Variants in CCDC18 observed in about 807,000 individuals in gnomAD.
CCDC18 encodes coiled-coil domain-containing protein 18.
Under a neutral mutation model 196.0 loss-of-function variants are expected in CCDC18, and 157 were observed. The observed-to-expected ratio is 0.80, with a 90% CI of 0.70 to 0.91. CCDC18 has a LOEUF of 0.91. Among genes scored for constraint, CCDC18 ranks in the 40% least tolerant of loss-of-function variants. The pLI is 0.00. For synonymous variants in CCDC18, 482 were observed against 529.2 expected, an observed-to-expected ratio of 0.91 and a Z score of 1.22; for missense variants, 1,465 against 1,611.6, an observed-to-expected ratio of 0.91 and a Z score of 1.56.
chr1:93,179,934 T>G (rs1649233320), upstream of CCDC18: 1 of 1,141,962 alleles, frequency 8.8e-7, no homozygotes, highest in African/African-American at 1.6e-5. Flanking sequence ...GCTGGCTTCC[T>G]GAACGGCCCT....
rs1021342105 is a variant in CCDC18, at chr1:93,240,853, A to T, written c.2981+957A>T. Among the ~76,000 whole-genome samples the T allele has an allele frequency of 3.9e-5, 6 of 152,300 alleles. No individual in the cohort carries two copies. In the East Asian group the frequency reaches 1.2e-3, roughly 29 times the overall value. ...CATAACCCTACCCTTCTCCTAACTC[A>T]GTATCATGCAGTTGCTCAAACCACA... On this transcript the variant is annotated intron_variant, in intron 21 of 28. Coordinates refer to ENST00000690025, the MANE Select transcript of CCDC18 (RefSeq NM_001378204.1).
chr1:93,236,091 T>C (rs1418395693), intron 18 of CCDC18, among the ~76,000 whole-genome samples, 157 bp from the exon 19 acceptor site: 1 of 152,238 alleles, frequency 6.6e-6, no homozygotes, highest in African/African-American at 2.4e-5. Flanking sequence ...TCTTTATTAT[T>C]AGAAAGTAAG....
chr1:93,179,965 C>A, upstream of CCDC18: 1 of 1,380,104 alleles, frequency 7.2e-7, no homozygotes, highest in South Asian at 1.4e-5. Context: ...CCACCAGGGC[C>A]GTCCACCAGA....
intron 6 of CCDC18, among the ~76,000 whole-genome samples, chr1:93,197,305 G>T (rs535186626): frequency 1.3e-5 from 2 of 152,130 alleles, no homozygotes; most frequent in African/African-American, 4.8e-5. Flanking sequence ...AGGAGAAAAG[G>T]CACAAGTGTT....
intron 17 of CCDC18, among the ~76,000 whole-genome samples, chr1:93,231,669 AG>A (rs1220694842): frequency 1.3e-5 from 2 of 152,220 alleles, no homozygotes; most frequent in Non-Finnish European, 2.9e-5. Context: ...CTTGGATAAA[AG>A]TATCTTAAAG....
At chr1:93,249,625 C>T (rs2100996421) in intron 23 of CCDC18, among the ~76,000 whole-genome samples, 1 of 152,178 alleles carries the variant, frequency 6.6e-6, no homozygotes, top group South Asian at 2.1e-4. Context: ...TGGAATTATC[C>T]AGAATACATA....
At chr1:93,234,171 T>C (rs954152752) in intron 18 of CCDC18, among the ~76,000 whole-genome samples, 1 of 152,120 alleles carries the variant, frequency 6.6e-6, no homozygotes, top group African/African-American at 2.4e-5. Flanking sequence ...TTTCTTTTTT[T>C]TCTCTTTTTG....
At chr1:93,192,256 A>C in intron 5 of CCDC18, 150 bp downstream of exon 5, 1 of 620,528 alleles carries the variant, frequency 1.6e-6, no homozygotes, top group Non-Finnish European at 2.8e-6. Context: ...ATTTTTAGTC[A>C]ATCATAACTC....
chr1:93,202,388 C>T (rs376978747), intron 7 of CCDC18, among the ~76,000 whole-genome samples: 7 of 152,250 alleles, frequency 4.6e-5, no homozygotes, highest in African/African-American at 1.7e-4. Context: ...TTCTGCCTCT[C>T]GGAAGGTTCC....
At chr1:93,233,550 G>A (rs1659565036) in intron 18 of CCDC18, among the ~76,000 whole-genome samples, 1 of 151,954 alleles carries the variant, frequency 6.6e-6, no homozygotes, top group Non-Finnish European at 1.5e-5. Flanking sequence ...CCTGTCCAGT[G>A]GAACTAAAGT....
At chr1:93,193,798 T>G in intron 6 of CCDC18, 54 bp downstream of exon 6, 1 of 1,308,696 alleles carries the variant, frequency 7.6e-7, no homozygotes, top group Non-Finnish European at 1.0e-6. Flanking sequence ...AAGGAAATAT[T>G]ACCTATTTAA....
chr1:93,183,638 GT>G (rs1650127734), intron 2 of CCDC18, 143 bp downstream of exon 2: 1 of 608,172 alleles, frequency 1.6e-6, no homozygotes, highest in East Asian at 3.3e-5. Flanking sequence ...GTAACTTTCA[GT>G]TTAGGGAAAA....
intron 12 of CCDC18, 38 bp downstream of exon 12, chr1:93,215,004 T>G: frequency 7.6e-7 from 1 of 1,307,646 alleles, no homozygotes; most frequent in Non-Finnish European, 1.1e-6. Context: ...TGTTAATTTT[T>G]GAACTAGAAC....
At chr1:93,217,985 G>C in intron 14 of CCDC18, 116 bp downstream of exon 14, 1 of 806,144 alleles carries the variant, frequency 1.2e-6, no homozygotes, top group South Asian at 2.0e-5. Context: ...AGTGGCAAGA[G>C]CTGTAATTAG....
intron 28 of CCDC18, chr1:93,271,419 T>C: frequency 1.0e-6 from 1 of 985,426 alleles, no homozygotes; most frequent in Non-Finnish European, 1.2e-6. Context: ...GAGAAATTCT[T>C]GAACATGTAC....
At chr1:93,265,427 A>G (rs1664366222) in intron 27 of CCDC18, among the ~76,000 whole-genome samples, 1 of 152,246 alleles carries the variant, frequency 6.6e-6, no homozygotes, top group African/African-American at 2.4e-5. Context: ...TCAGTGTACT[A>G]TATTTAATTG....
At chr1:93,259,657 G>T (rs1408981046) in intron 26 of CCDC18, among the ~76,000 whole-genome samples, 2 of 152,142 alleles carry the variant, frequency 1.3e-5, no homozygotes, top group Non-Finnish European at 1.5e-5. Flanking sequence ...CTCTTTGAAA[G>T]CATTGTGCCT....
intron 4 of CCDC18, chr1:93,191,088 A>ATTTTT: frequency 2.1e-6 from 1 of 472,218 alleles, no homozygotes; most frequent in Non-Finnish European, 3.8e-6. Context: ...CAGCAAGGAG[A>ATTTTT]TTTTTTTTTT....
rs757562852 is a variant in CCDC18 at position 93,264,858 on chromosome 1, G to C, written c.3842G>C (p.Arg1281Thr). 3.7e-6 allele frequency: 6 copies of C among 1,613,316 alleles called. No individual in the cohort carries two copies. The South Asian group carries it at 6.6e-5, about 18-fold the overall frequency. ...AATTTGCATCAACAAGTCCAAGATA[G>C]GAATGAAGTAATTGAAGCTGCAAAT... Reference protein sequence around the residue: ...VSNLHQQVQDRNEVIEAANEA... With the variant: ...VSNLHQQVQDTNEVIEAANEA... The change falls in exon 27 of 29, where the codon AGG becomes ACG. Residue 1281 changes from arginine to threonine, a missense_variant. Coordinates refer to ENST00000690025, the MANE Select transcript of CCDC18 (RefSeq NM_001378204.1).
Sources: gnomAD v4.1 joint callset for allele counts (sites outside exome capture counted in the v4.1 genomes callset) on GRCh38, gnomAD v4.1.1 for gene constraint, MANE v1.5 for transcripts, NCBI Gene and HGNC (gene_info 2026-07-23, HGNC 2026-07-21) for gene names.